UBE2H: variants seen among roughly 807,000 people sequenced by gnomAD.
UBE2H encodes ubiquitin-conjugating enzyme E2 H.
A neutral mutation model predicts 29.0 loss-of-function variants in UBE2H; 3 were observed. The observed-to-expected ratio is 0.10, with a 90% CI of 0.05 to 0.27. UBE2H has a LOEUF of 0.27. Ranked by LOEUF, UBE2H falls within the 10% of genes least tolerant of loss-of-function variation. UBE2H has a pLI of 1.00. For synonymous variants in UBE2H, 69 were observed against 82.9 expected (o/e 0.83, Z 0.91); for missense variants, 68 against 228.2 (o/e 0.30, Z 4.52).
intron 1 of UBE2H, among the ~76,000 whole-genome samples, chr7:129,889,896 G>A (rs543905873): frequency 6.6e-6 from 1 of 152,044 alleles, no homozygotes; most frequent in Non-Finnish European, 1.5e-5. Flanking sequence ...AGGCTGACAG[G>A]GGAGGATCAC....
chr7:129,854,756 G>A (rs1436150830), intron 5 of UBE2H, among the ~76,000 whole-genome samples: 1 of 152,118 alleles, frequency 6.6e-6, no homozygotes, highest in Non-Finnish European at 1.5e-5. Flanking sequence ...AAATACTTGT[G>A]CACAAATATT....
At chr7:129,897,977 T>G (rs1031794825) in intron 1 of UBE2H, among the ~76,000 whole-genome samples, 9 of 151,424 alleles carry the variant, frequency 5.9e-5, no homozygotes, top group South Asian at 4.2e-4. Flanking sequence ...ATGAAAGAAG[T>G]GGGATAAAAA....
At chr7:129,852,044 G>A (rs1414606173) in intron 5 of UBE2H, among the ~76,000 whole-genome samples, 2 of 152,150 alleles carry the variant, frequency 1.3e-5, no homozygotes, top group Non-Finnish European at 2.9e-5. Flanking sequence ...GCAGGATGAC[G>A]TTTGTGATTC....
chr7:129,886,829 C>T (rs1256763534), intron 1 of UBE2H, among the ~76,000 whole-genome samples: 1 of 130,512 alleles, frequency 7.7e-6, no homozygotes, highest in African/African-American at 2.9e-5. Flanking sequence ...GTAAGTATCA[C>T]AAAAATAGTG....
At position 129,874,233 on chromosome 7, in the gene UBE2H, G is replaced by C. The variant is rs1401989315; in HGVS notation, c.205+5335C>G. Among the ~76,000 whole-genome samples the C allele has an allele frequency of 2.6e-5, 4 of 151,648 alleles. No homozygotes were observed. In the East Asian group the frequency reaches 7.7e-4, roughly 29 times the overall value. On this transcript the variant is annotated intron_variant, in intron 3 of 6. Coordinates refer to ENST00000355621, the MANE Select transcript of UBE2H (RefSeq NM_003344.4). ...ATATGATATGAAGGAGAATATAATA[G>C]ATCCAGAAGAGAACTTCTGGATGTT...
intron 5 of UBE2H, among the ~76,000 whole-genome samples, chr7:129,851,325 TA>T (rs1275156569): frequency 6.6e-6 from 1 of 152,238 alleles, no homozygotes; most frequent in Non-Finnish European, 1.5e-5. Flanking sequence ...GCTTGTAAGC[TA>T]AAACATGGTA....
intron 1 of UBE2H, among the ~76,000 whole-genome samples, chr7:129,894,841 CTA>C (rs1414815803): frequency 6.6e-6 from 1 of 151,944 alleles, no homozygotes; most frequent in Non-Finnish European, 1.5e-5. Flanking sequence ...CATCCTACTT[CTA>C]TGGAAAGATT....
chr7:129,844,742 A>AT (rs1805483489), intron 5 of UBE2H, among the ~76,000 whole-genome samples: 1 of 152,238 alleles, frequency 6.6e-6, no homozygotes, highest in Non-Finnish European at 1.5e-5. Flanking sequence ...AATGTGGTTC[A>AT]TTAGCACTGA....
At chr7:129,903,915 T>G (rs947543240) in intron 1 of UBE2H, among the ~76,000 whole-genome samples, 4 of 152,156 alleles carry the variant, frequency 2.6e-5, no homozygotes, top group African/African-American at 9.7e-5. Flanking sequence ...TAAAAAATAA[T>G]AAGTTCTAGG....
chr7:129,943,054 G>A (rs746377608), intron 1 of UBE2H, among the ~76,000 whole-genome samples: 2 of 152,224 alleles, frequency 1.3e-5, no homozygotes, highest in Non-Finnish European at 2.9e-5. Context: ...TGTTGGCCAG[G>A]TTGGTCTTGA....
In UBE2H at chr7:129,831,596, A is replaced by T. The variant is rs1043738328; in HGVS notation, c.*3341T>A. ...GCAGTCAGAACAGCTTTTGAAGTGG[A>T]TGAGAAATGTTAGGTACTGGAGAGA... On this transcript the variant is annotated 3_prime_UTR_variant, in exon 7 of 7. Coordinates refer to ENST00000355621, the MANE Select transcript of UBE2H (RefSeq NM_003344.4). 1.3e-5 allele frequency: 2 copies of T among 152,222 alleles called. No homozygotes were observed. Among genetic ancestry groups the T allele is most frequent in the African/African-American group, 2.4e-5 (1 of 41,436 alleles). The allele number at this position is 152,222 out of a possible 1,614,324, so 9.4% of individuals were successfully genotyped here. A position where few individuals can be genotyped will look rare whatever the true frequency, so the allele number is the denominator to read the frequency against.
Position 129,901,113 on chromosome 7 carries a change from A to G in UBE2H, c.54-20142T>C, listed in dbSNP as rs147843346. 2.0e-5 allele frequency among the ~76,000 whole-genome samples: 3 copies of G among 152,332 alleles called. No individual in the cohort carries two copies. The East Asian group carries it at 5.8e-4, about 29-fold the overall frequency. The stretch of plus-strand genomic sequence containing the variant: ...AAGCACTGTCTTAAACACTAAATTA[A>G]TAAGAAACCAATGTATCTATCCTTA... On this transcript the variant is annotated intron_variant, in intron 1 of 6. Coordinates refer to ENST00000355621, the MANE Select transcript of UBE2H (RefSeq NM_003344.4).
At chr7:129,938,904 T>G (rs1161260324) in intron 1 of UBE2H, among the ~76,000 whole-genome samples, 1 of 151,814 alleles carries the variant, frequency 6.6e-6, no homozygotes, top group African/African-American at 2.4e-5. Context: ...GTTCAAGCAA[T>G]TCTCCTGCCT....
chr7:129,939,427 C>G (rs1807597414), intron 1 of UBE2H, among the ~76,000 whole-genome samples: 1 of 152,174 alleles, frequency 6.6e-6, no homozygotes, highest in African/African-American at 2.4e-5. Flanking sequence ...AGGAGAATCA[C>G]TAATTTATTT....
chr7:129,848,022 T>A (rs1016432370), intron 5 of UBE2H, among the ~76,000 whole-genome samples: 1 of 152,204 alleles, frequency 6.6e-6, no homozygotes, highest in African/African-American at 2.4e-5. Flanking sequence ...CCTTAAAGGC[T>A]CTATACTCTC....
intron 1 of UBE2H, among the ~76,000 whole-genome samples, chr7:129,914,861 T>C (rs1282047530): frequency 6.6e-6 from 1 of 152,170 alleles, no homozygotes; most frequent in African/African-American, 2.4e-5. Context: ...GGTTTCATCT[T>C]TAAAACAGAA....
chr7:129,869,029 G>A (rs947605883), intron 3 of UBE2H, among the ~76,000 whole-genome samples: 1 of 150,048 alleles, frequency 6.7e-6, no homozygotes, highest in Admixed American at 6.7e-5. Flanking sequence ...TTCTGCCTCC[G>A]GGGTTCAAGT....
At chr7:129,897,912 C>T (rs1012722326) in intron 1 of UBE2H, among the ~76,000 whole-genome samples, 15 of 151,964 alleles carry the variant, frequency 9.9e-5, no homozygotes, top group Admixed American at 8.5e-4. Flanking sequence ...TTTGATAATA[C>T]GTTCAAATAG....
rs1806217629 is a variant in UBE2H, at chr7:129,879,754, C to T, written c.131-112G>A. On this transcript the variant is annotated intron_variant, in intron 2 of 6. Transcript: ENST00000355621. Reference sequence around the variant, plus strand: ...CTTCTGAAAACCTTCCAAATTAATTCCTTCAAGAGTCAGGGACCTACTACA... The same window carrying T: ...CTTCTGAAAACCTTCCAAATTAATTTCTTCAAGAGTCAGGGACCTACTACA... 8.4e-6 allele frequency: 8 copies of T among 953,452 alleles called. No individual in the cohort carries two copies. The South Asian group carries it at 1.2e-4, about 15-fold the overall frequency. 59.1% of individuals were successfully genotyped at this position (953,452 alleles called of 1,614,324 possible).
Sources: allele counts gnomAD v4.1 joint callset (sites outside exome capture counted in the v4.1 genomes callset), GRCh38; gene constraint gnomAD v4.1.1; transcripts MANE v1.5; gene names NCBI Gene and HGNC (gene_info 2026-07-23, HGNC 2026-07-21).